Variants in LRP1B observed in about 807,000 individuals in gnomAD.
LRP1B encodes the protein low-density lipoprotein receptor-related protein 1B.
A neutral mutation model predicts 556.6 loss-of-function variants in LRP1B; 217 were observed. The ratio of observed to expected loss-of-function variants is 0.39; its 90% CI spans 0.35 to 0.44. The LOEUF (loss-of-function observed/expected upper bound fraction) is 0.44, where lower values mean the gene tolerates loss of function less well. Ranked by LOEUF, LRP1B falls within the 20% of genes least tolerant of loss-of-function variation. The pLI is 1.00. For synonymous variants in LRP1B, 2,047 were observed against 1,865.8 expected, an observed-to-expected ratio of 1.10 and a Z score of -2.50; for missense variants, 5,053 against 5,620.8, an observed-to-expected ratio of 0.90 and a Z score of 3.23.
intron 1 of LRP1B, among the ~76,000 whole-genome samples, chr2:142,020,734 C>G (rs1574602297): frequency 6.6e-6 from 1 of 152,034 alleles, no homozygotes; most frequent in Non-Finnish European, 1.5e-5. Context: ...TAAAAAAAAG[C>G]CTTCCCAGTG....
At chr2:141,063,869 T>G (rs2105471365) in intron 7 of LRP1B, among the ~76,000 whole-genome samples, 1 of 151,996 alleles carries the variant, frequency 6.6e-6, no homozygotes, top group Admixed American at 6.6e-5. Context: ...GTGCAGGTGG[T>G]TTGACTTTGG....
At chr2:141,367,719 T>C (rs1391596515) in intron 3 of LRP1B, among the ~76,000 whole-genome samples, 1 of 151,922 alleles carries the variant, frequency 6.6e-6, no homozygotes, top group Non-Finnish European at 1.5e-5. Context: ...CCTGTCCTCA[T>C]GATCCACCCG....
chr2:141,021,743 A>G (rs903516431), intron 11 of LRP1B, among the ~76,000 whole-genome samples: 5 of 151,992 alleles, frequency 3.3e-5, no homozygotes, highest in Admixed American at 2.0e-4. Flanking sequence ...AGCAGTTACA[A>G]TGCTGTATGG....
intron 31 of LRP1B, among the ~76,000 whole-genome samples, chr2:140,837,724 G>A (rs1217017951): frequency 6.6e-6 from 1 of 151,542 alleles, no homozygotes; most frequent in Non-Finnish European, 1.5e-5. Context: ...CTCACTCATA[G>A]GTGGGAATTG....
At position 140,420,889 on chromosome 2, in the gene LRP1B, A is replaced by G. The variant is rs116312295; in HGVS notation, c.10414+21615T>C. 2.4e-3 allele frequency among the ~76,000 whole-genome samples: 370 copies of G among 152,290 alleles called. 1 individual carries two copies. The highest frequency in any genetic ancestry group is 8.2e-3 in the African/African-American group (342 of 41,550). On this transcript the variant is annotated intron_variant, in intron 66 of 90. Coordinates refer to ENST00000389484, the MANE Select transcript of LRP1B (RefSeq NM_018557.3). ...TCTAGAGGTGATAAATAAGTCCGTT[A>G]TCTTGATTGTGTAGAGGGTTTCATG...
intron 12 of LRP1B, among the ~76,000 whole-genome samples, chr2:141,018,321 A>T (rs1323839143): frequency 1.3e-5 from 2 of 152,110 alleles, no homozygotes; most frequent in Admixed American, 6.6e-5. Context: ...TCTAGTTTTA[A>T]ATAATATGTA....
At chr2:141,729,627 A>G (rs1331409427) in intron 2 of LRP1B, among the ~76,000 whole-genome samples, 1 of 152,198 alleles carries the variant, frequency 6.6e-6, no homozygotes, top group Non-Finnish European at 1.5e-5. Flanking sequence ...CATTTTGTAA[A>G]GGGCTTGGTG....
intron 63 of LRP1B, among the ~76,000 whole-genome samples, chr2:140,447,969 T>A (rs1175287360): frequency 1.3e-5 from 2 of 152,122 alleles, no homozygotes; most frequent in African/African-American, 2.4e-5. Context: ...AAGTTTGTTG[T>A]CTTTTATGGA....
chr2:142,029,722 A>G (rs1281237885), intron 1 of LRP1B, among the ~76,000 whole-genome samples: 1 of 151,824 alleles, frequency 6.6e-6, no homozygotes, highest in Non-Finnish European at 1.5e-5. Context: ...TAGAAAGCCC[A>G]TCATATTTAT....
chr2:140,794,393 GTAAAA>G (rs1690225891), intron 32 of LRP1B, among the ~76,000 whole-genome samples: 1 of 151,134 alleles, frequency 6.6e-6, no homozygotes, highest in Non-Finnish European at 1.5e-5. Context: ...CATCTTGATG[GTAAAA>G]TAAAATATGA....
intron 2 of LRP1B, among the ~76,000 whole-genome samples, chr2:141,563,926 T>C (rs928978624): frequency 4.6e-5 from 7 of 151,952 alleles, no homozygotes; most frequent in African/African-American, 1.7e-4. Flanking sequence ...ATGCTAACTA[T>C]CTAGGTGAAG....
At chr2:140,655,032 G>GTATA (rs145869246) in intron 41 of LRP1B, among the ~76,000 whole-genome samples, 21 of 147,162 alleles carry the variant, frequency 1.4e-4, no homozygotes, top group African/African-American at 4.6e-4. Context: ...GTATATGTAT[G>GTATA]TATATATATA....
At chr2:141,749,583 A>G (rs1694036676) in intron 2 of LRP1B, among the ~76,000 whole-genome samples, 1 of 152,168 alleles carries the variant, frequency 6.6e-6, no homozygotes, top group African/African-American at 2.4e-5. Flanking sequence ...AGAGTTCAGT[A>G]TCTTGATTTT....
At chr2:141,476,719 C>G (rs967478829) in intron 3 of LRP1B, among the ~76,000 whole-genome samples, 1 of 152,066 alleles carries the variant, frequency 6.6e-6, no homozygotes, top group African/African-American at 2.4e-5. Context: ...TCAGTTGATA[C>G]AAAAACATTC....
intron 3 of LRP1B, among the ~76,000 whole-genome samples, chr2:141,397,113 C>A (rs1209884195): frequency 1.1e-3 from 45 of 41,948 alleles, no homozygotes; most frequent in South Asian, 3.8e-3. Context: ...AACTTTGTCT[C>A]AAAAAAAAAA....
chr2:140,735,140 G>A (rs1038828044), intron 35 of LRP1B, among the ~76,000 whole-genome samples: 3 of 152,160 alleles, frequency 2.0e-5, no homozygotes, highest in Non-Finnish European at 4.4e-5. Flanking sequence ...ACGGTTCTGA[G>A]TAGCATGTGG....
intron 1 of LRP1B, among the ~76,000 whole-genome samples, chr2:141,865,580 A>G (rs1259933910): frequency 7.4e-6 from 1 of 135,444 alleles, no homozygotes; most frequent in South Asian, 2.6e-4. Context: ...CGACAGAGCG[A>G]GACTCCGTCT....
intron 77 of LRP1B, among the ~76,000 whole-genome samples, chr2:140,346,666 C>T (rs565076162): frequency 1.7e-4 from 26 of 151,992 alleles, no homozygotes; most frequent in South Asian, 6.2e-4. Context: ...CACACACACA[C>T]GCTTACTTGT....
intron 82 of LRP1B, among the ~76,000 whole-genome samples, chr2:140,317,120 T>A (rs1007377581): frequency 6.6e-6 from 1 of 151,900 alleles, no homozygotes; most frequent in Non-Finnish European, 1.5e-5. Context: ...CGGACCTGGA[T>A]TGGAGAGGGT....
Sources: gnomAD v4.1 joint callset for allele counts (sites outside exome capture counted in the v4.1 genomes callset) on GRCh38, gnomAD v4.1.1 for gene constraint, MANE v1.5 for transcripts, NCBI Gene and HGNC (gene_info 2026-07-23, HGNC 2026-07-21) for gene names.